Variants in E2F5 observed in about 807,000 individuals in gnomAD.
The protein encoded by E2F5 is E2F transcription factor 5, also known as transcription factor E2F5.
Under a neutral mutation model 39.1 loss-of-function variants are expected in E2F5, and 23 were observed. The observed-to-expected ratio is 0.59, with a 90% CI of 0.42 to 0.83. E2F5 has a LOEUF of 0.83. Among genes scored for constraint, E2F5 ranks in the 40% least tolerant of loss-of-function variants. The pLI, the probability that E2F5 is intolerant of heterozygous loss-of-function variation, is 0.00. For synonymous variants in E2F5, 145 were observed against 157.8 expected, an observed-to-expected ratio of 0.92 and a Z score of 0.61; for missense variants, 365 against 406.7, an observed-to-expected ratio of 0.90 and a Z score of 0.88.
Position 85,213,799 on chromosome 8 carries a change from CTTTAA to C in E2F5, c.983_987del (p.Asn328ArgfsTer2), listed in dbSNP as rs747456304. 6.2e-7 allele frequency: 1 copy of C among 1,613,370 alleles called. No homozygotes were observed. Among genetic ancestry groups the C allele is most frequent in the Non-Finnish European group, 8.5e-7 (1 of 1,179,614 alleles). The stretch of plus-strand genomic sequence containing the variant: ...CTCCTACCCCGGCAGATGACTACAA[CTTTAA>C]TTTAGATGATAACGAAGGAGTTTGT... On this transcript the variant is annotated frameshift_variant, in exon 8 of 8. Transcript: ENST00000416274. LOFTEE classifies it high-confidence loss of function.
intron 7 of E2F5, 194 bp downstream of exon 7, chr8:85,212,398 G>A (rs1384516980): frequency 1.9e-6 from 1 of 534,530 alleles, no homozygotes; most frequent in Admixed American, 3.6e-5. Flanking sequence ...CTTGCATTTT[G>A]AGGGAAAGGA....
intron 1 of E2F5, among the ~76,000 whole-genome samples, chr8:85,195,423 A>C (rs532175102): frequency 1.3e-5 from 2 of 152,280 alleles, no homozygotes; most frequent in East Asian, 3.9e-4. Context: ...GTAATAGAAT[A>C]GCAGATTCAC....
intron 1 of E2F5, among the ~76,000 whole-genome samples, chr8:85,182,482 G>A (rs1812242014): frequency 6.6e-6 from 1 of 152,184 alleles, no homozygotes; most frequent in Non-Finnish European, 1.5e-5. Flanking sequence ...AAAAATAAAT[G>A]TATGTAGGTA....
At chr8:85,190,611 C>G (rs4150891) in intron 1 of E2F5, among the ~76,000 whole-genome samples, 162 of 135,904 alleles carry the variant, frequency 1.2e-3, no homozygotes, top group African/African-American at 4.0e-3. Flanking sequence ...TCAAGCAATT[C>G]TCCTGTTTCA....
rs531630797 is a variant in E2F5, at chr8:85,182,675, A to G, written c.234+5021A>G. Among the ~76,000 whole-genome samples the G allele has an allele frequency of 2.2e-4, 33 of 152,350 alleles. No individual in the cohort carries two copies. In the Middle Eastern group the frequency reaches 0.01, roughly 47 times the overall value. On this transcript the variant is annotated intron_variant, in intron 1 of 7. Transcript: ENST00000416274. ...GTTAAGAATTTGAACAACTGTTAAGATAGTCATGACTATGTATCTGTATGT... is the reference window on the plus strand; with the variant it reads ...GTTAAGAATTTGAACAACTGTTAAGGTAGTCATGACTATGTATCTGTATGT...
chr8:85,212,128 A>G (rs1287819583), intron 6 of E2F5, 29 bp from the exon 7 acceptor site: 5 of 1,571,712 alleles, frequency 3.2e-6, no homozygotes, highest in East Asian at 2.2e-5. Flanking sequence ...GTTAACAGAA[A>G]TATAACAAAA....
chr8:85,196,149 T>C (rs1198138877), intron 1 of E2F5, among the ~76,000 whole-genome samples: 1 of 152,212 alleles, frequency 6.6e-6, no homozygotes, highest in African/African-American at 2.4e-5. Flanking sequence ...AATTGAAACA[T>C]GCGGCTCCTG....
rs1482779886 is a variant in E2F5 at position 85,177,293 on chromosome 8, A to G, written c.-128A>G. On this transcript the variant is annotated 5_prime_UTR_variant, in exon 1 of 8. Transcript: ENST00000416274. ...CGCACACCTGTTGTTTGCAGCAGCC[A>G]GCGACCCGCACTACCGCTCTCGGCG... is the stretch of plus-strand genomic sequence containing the variant. 21 of 803,612 alleles carry G rather than the reference A, an allele frequency of 2.6e-5. No homozygotes were observed. The highest frequency in any genetic ancestry group is 3.0e-5 in the Non-Finnish European group (20 of 663,974). 49.8% of individuals were successfully genotyped at this position (803,612 alleles called of 1,614,324 possible).
At chr8:85,200,124 G>A (rs1812663151) in intron 1 of E2F5, among the ~76,000 whole-genome samples, 1 of 152,256 alleles carries the variant, frequency 6.6e-6, no homozygotes, top group African/African-American at 2.4e-5. Flanking sequence ...GTACACACCT[G>A]TAGTCCCAGC....
At chr8:85,209,627 A>ATT (rs1812873891) in intron 6 of E2F5, among the ~76,000 whole-genome samples, 1 of 152,228 alleles carries the variant, frequency 6.6e-6, no homozygotes, top group South Asian at 2.1e-4. Context: ...CCTGAATATA[A>ATT]TTTTATACAA....
At position 85,207,430 on chromosome 8, in the gene E2F5, A is replaced by T. The variant is rs1470603031; in HGVS notation, c.556A>T (p.Thr186Ser). The T allele has an allele frequency of 6.4e-7, 1 of 1,557,126 alleles. No homozygotes were observed. Among genetic ancestry groups the T allele is most frequent in the Non-Finnish European group, 8.7e-7 (1 of 1,149,538 alleles). The change falls in exon 5 of 8, where the codon ACA becomes TCA. Residue 186 changes from threonine (T) to serine (S), a missense_variant. Coordinates refer to ENST00000416274, the MANE Select transcript of E2F5 (RefSeq NM_001951.4). ...TTATATTTATTTTTGACCAGGTGAT[A>T]CACTTTTGGCCATTCAGGCACCTTC... ...EDICNCFNGDTLLAIQAPSGT... is the reference protein window; with the variant it reads ...EDICNCFNGDSLLAIQAPSGT...
At position 85,188,147 on chromosome 8, in the gene E2F5, A is replaced by G. The variant is rs4150875; in HGVS notation, c.234+10493A>G. 8.2e-3 allele frequency among the ~76,000 whole-genome samples: 1,242 copies of G among 152,274 alleles called. 16 individuals carry two copies. The highest frequency in any genetic ancestry group is 0.028 in the African/African-American group (1,156 of 41,570). ...TTATATCGTCTATTGCTTAAAAATT[A>G]TTGCAGCTACTATGATTTTTAATAG... On this transcript the variant is annotated intron_variant, in intron 1 of 7. Transcript: ENST00000416274.
chr8:85,177,408 G>T lies in E2F5; in HGVS notation c.-13G>T. The T allele has an allele frequency of 2.0e-6, 2 of 987,666 alleles. No homozygotes were observed. Among genetic ancestry groups the T allele is most frequent in the Non-Finnish European group, 2.4e-6 (2 of 832,472 alleles). 61.2% of individuals were successfully genotyped at this position (987,666 alleles called of 1,614,324 possible). On this transcript the variant is annotated 5_prime_UTR_variant, in exon 1 of 8. Coordinates refer to ENST00000416274, the MANE Select transcript of E2F5 (RefSeq NM_001951.4). ...AGTGCGCGGGGGCCCGACCACCGCG[G>T]GGCCGGGACGCGATGGCGGCGGCAG...
intron 1 of E2F5, among the ~76,000 whole-genome samples, chr8:85,186,176 G>A (rs1019319701): frequency 2.6e-5 from 4 of 152,156 alleles, no homozygotes; most frequent in African/African-American, 9.7e-5. Context: ...ATACTATGCA[G>A]CCGTAAGAAA....
Position 85,214,194 on chromosome 8 carries a change from A to G in E2F5, c.*332A>G, listed in dbSNP as rs748066895. ...TAAAGGACACTACAGGTCATCAAAA[A>G]CAAGTTGGCCAAGGACTCATTACTT... On this transcript the variant is annotated 3_prime_UTR_variant, in exon 8 of 8. Transcript: ENST00000416274. The G allele has an allele frequency of 1.1e-5, 6 of 535,950 alleles. No homozygotes were observed. Among genetic ancestry groups the G allele is most frequent in the South Asian group, 9.2e-5 (6 of 65,164 alleles). 33.2% of individuals were successfully genotyped at this position (535,950 alleles called of 1,614,324 possible). A position where few individuals can be genotyped will look rare whatever the true frequency, so the allele number is the denominator to read the frequency against.
At chr8:85,182,587 G>A (rs189875189) in intron 1 of E2F5, among the ~76,000 whole-genome samples, 1 of 152,320 alleles carries the variant, frequency 6.6e-6, no homozygotes, top group Admixed American at 6.5e-5. Context: ...TCCTGAAAAT[G>A]AAGCTATTGG....
At chr8:85,204,852 C>T (rs1210138167) in intron 3 of E2F5, among the ~76,000 whole-genome samples, 2 of 152,154 alleles carry the variant, frequency 1.3e-5, no homozygotes, top group African/African-American at 4.8e-5. Context: ...AGGTACCAGA[C>T]AACTGGGGGA....
chr8:85,193,025 G>A (rs543098819), intron 1 of E2F5, among the ~76,000 whole-genome samples: 1 of 152,258 alleles, frequency 6.6e-6, no homozygotes, highest in East Asian at 1.9e-4. Context: ...ACATTGAAGT[G>A]TTTGTTGGGT....
intron 1 of E2F5, among the ~76,000 whole-genome samples, chr8:85,191,536 C>T (rs1455139447): frequency 6.6e-6 from 1 of 152,198 alleles, no homozygotes; most frequent in East Asian, 1.9e-4. Context: ...ATTTTGTAAA[C>T]AATATATATG....
Sources: allele counts gnomAD v4.1 joint callset (sites outside exome capture counted in the v4.1 genomes callset), GRCh38; gene constraint gnomAD v4.1.1; transcripts MANE v1.5; gene names NCBI Gene and HGNC (gene_info 2026-07-23, HGNC 2026-07-21).